Variants in EYA4 observed in about 807,000 individuals in gnomAD.
EYA4 encodes the protein protein phosphatase EYA4.
A neutral mutation model predicts 87.9 loss-of-function variants in EYA4; 31 were observed. That is an observed-to-expected ratio of 0.35 (90% CI 0.27 to 0.48). The LOEUF is 0.48. Ranked by LOEUF, EYA4 falls within the 20% of genes least tolerant of loss-of-function variation. The pLI, the probability that EYA4 is intolerant of heterozygous loss-of-function variation, is 0.99. For missense variants in EYA4, 678 were observed against 761.4 expected (o/e 0.89, Z 1.29); for synonymous variants, 263 against 270.6 (o/e 0.97, Z 0.28).
chr6:133,477,577 C>T (rs1398466104), intron 11 of EYA4, among the ~76,000 whole-genome samples: 1 of 151,910 alleles, frequency 6.6e-6, no homozygotes, highest in Non-Finnish European at 1.5e-5. Flanking sequence ...TTATATGACT[C>T]TTTTATAAGT....
chr6:133,312,788 T>C (rs1780330917), intron 2 of EYA4, among the ~76,000 whole-genome samples: 1 of 152,184 alleles, frequency 6.6e-6, no homozygotes. Context: ...TTTTTCTGCT[T>C]CTAAGAAATT....
chr6:133,362,550 C>T (rs994982070), intron 2 of EYA4, among the ~76,000 whole-genome samples: 2 of 152,070 alleles, frequency 1.3e-5, no homozygotes, highest in African/African-American at 4.8e-5. Flanking sequence ...AAACAGACTC[C>T]TTAAAAAAAA....
chr6:133,308,126 CAGTT>C (rs1779950018), intron 2 of EYA4, among the ~76,000 whole-genome samples: 1 of 152,156 alleles, frequency 6.6e-6, no homozygotes, highest in African/African-American at 2.4e-5. Context: ...AACTGTGAGT[CAGTT>C]AAACTTCTTT....
chr6:133,505,742 C>A (rs929875303), intron 13 of EYA4, among the ~76,000 whole-genome samples: 4 of 152,116 alleles, frequency 2.6e-5, no homozygotes, highest in African/African-American at 9.7e-5. Context: ...AGTAAGTTTG[C>A]TCCATTCTTC....
At chr6:133,271,966 C>A (rs1396428666) in intron 1 of EYA4, among the ~76,000 whole-genome samples, 1 of 152,206 alleles carries the variant, frequency 6.6e-6, no homozygotes, top group South Asian at 2.1e-4. Flanking sequence ...ATTTCTTTGT[C>A]ACCAGTTTTC....
intron 13 of EYA4, among the ~76,000 whole-genome samples, chr6:133,500,280 G>A (rs1370053050): frequency 2.0e-5 from 3 of 151,958 alleles, no homozygotes; most frequent in African/African-American, 7.2e-5. Context: ...AAGCTCCACC[G>A]GTGTTCCCCA....
chr6:133,514,000 G>A (rs2128785838), intron 16 of EYA4, among the ~76,000 whole-genome samples: 1 of 152,186 alleles, frequency 6.6e-6, no homozygotes, highest in African/African-American at 2.4e-5. Flanking sequence ...TGAGGGTGGG[G>A]CTATGTGTCT....
At chr6:133,448,207 T>A in intron 5 of EYA4, 28 bp downstream of exon 5, 2 of 1,546,006 alleles carry the variant, frequency 1.3e-6, no homozygotes, top group Non-Finnish European at 1.8e-6. Flanking sequence ...ACACTGCATG[T>A]GTTTGGGTGT....
At chr6:133,486,241 T>G (rs1054975472) in intron 13 of EYA4, among the ~76,000 whole-genome samples, 5 of 152,238 alleles carry the variant, frequency 3.3e-5, no homozygotes, top group Admixed American at 3.3e-4. Context: ...AGTTGTTTTA[T>G]CATTGACAAT....
rs1795925007 is a variant in EYA4, at chr6:133,478,423, G to GGATA, written c.971-3039_971-3036dup. Among the ~76,000 whole-genome samples, 10 of 149,272 alleles carry GGATA rather than the reference G, an allele frequency of 6.7e-5. No individual in the cohort carries two copies. The South Asian group carries it at 2.1e-3, about 32-fold the overall frequency. On this transcript the variant is annotated intron_variant, in intron 11 of 19. Coordinates refer to ENST00000355286, the MANE Select transcript of EYA4 (RefSeq NM_004100.5). ...TAACCCAAATGTCCATCAACAGAAT[G>GGATA]GATACAGTGTAATAGATACAGTGTA...
At chr6:133,404,728 C>G (rs1332770879) in intron 3 of EYA4, among the ~76,000 whole-genome samples, 2 of 152,170 alleles carry the variant, frequency 1.3e-5, no homozygotes, top group African/African-American at 4.8e-5. Flanking sequence ...TAATGTAAGT[C>G]TGTGTGTAAT....
chr6:133,294,053 ATATATAT>A (rs1778734860), intron 2 of EYA4, among the ~76,000 whole-genome samples: 2 of 131,130 alleles, frequency 1.5e-5, no homozygotes, highest in Non-Finnish European at 3.2e-5. Context: ...ATATATATAT[ATATATAT>A]ATAATTCTAT....
chr6:133,511,848 G>A (rs1799170800), intron 14 of EYA4: 1 of 152,142 alleles, frequency 6.6e-6, no homozygotes. Flanking sequence ...AGGCGTGGTG[G>A]CGGGCGCCTG....
intron 1 of EYA4, among the ~76,000 whole-genome samples, chr6:133,263,031 T>G (rs1293613560): frequency 1.3e-5 from 2 of 152,186 alleles, no homozygotes; most frequent in Admixed American, 6.5e-5. Context: ...GCCATTGGCT[T>G]TCCTCTCTGG....
chr6:133,362,518 G>A (rs1014214806), intron 2 of EYA4, among the ~76,000 whole-genome samples: 7 of 151,984 alleles, frequency 4.6e-5, no homozygotes, highest in South Asian at 2.1e-4. Context: ...TATAATAATG[G>A]GGCAGTAAAT....
Position 133,342,574 on chromosome 6 carries a change from C to CATATATATATATATATATAT in EYA4, c.34-39806_34-39787dup, listed in dbSNP as rs56987430. Among the ~76,000 whole-genome samples, 72 of 100,466 alleles carry CATATATATATATATATATAT rather than the reference C, an allele frequency of 7.2e-4. 1 individual carries two copies. The highest frequency in any genetic ancestry group is 1.1e-3 in the African/African-American group (24 of 21,844). The allele number at this position is 100,466 out of a possible 152,430, so 65.9% of individuals were successfully genotyped here. Reference sequence around the variant, plus strand: ...CCATCCAGTTTAAGGTACACACTGCCATATATATATATATATATATATATA... The same window carrying CATATATATATATATATATAT: ...CCATCCAGTTTAAGGTACACACTGCCATATATATATATATATATATATATATATATATATATATATATATA... On this transcript the variant is annotated intron_variant, in intron 2 of 19. Coordinates refer to ENST00000355286, the MANE Select transcript of EYA4 (RefSeq NM_004100.5).
rs774501058 is a variant in EYA4 at position 133,448,062 on chromosome 6, A to T, written c.209-49A>T. On this transcript the variant is annotated intron_variant, in intron 4 of 19. Transcript: ENST00000355286. ...CAAGCATTGAAGATTATTCATATCC[A>T]CTCAGCAGGCATTCAGACAATGAAC... is the stretch of plus-strand genomic sequence containing the variant. The T allele has an allele frequency of 5.1e-6, 7 of 1,383,852 alleles. No homozygotes were observed. In the African/African-American group the frequency reaches 8.5e-5, roughly 17 times the overall value. The allele number at this position is 1,383,852 out of a possible 1,614,324, so 85.7% of individuals were successfully genotyped here.
intron 13 of EYA4, 25 bp from the exon 14 acceptor site, chr6:133,506,081 C>T (rs1562497976): frequency 1.5e-6 from 2 of 1,373,418 alleles, no homozygotes; most frequent in Admixed American, 1.7e-5. Flanking sequence ...AATTTTACCT[C>T]ATTATGTGTA....
chr6:133,294,954 G>C (rs187590059), intron 2 of EYA4, among the ~76,000 whole-genome samples: 1 of 152,112 alleles, frequency 6.6e-6, no homozygotes, highest in East Asian at 1.9e-4. Flanking sequence ...TCTTATTTGA[G>C]TATCTAACAT....
Sources: gnomAD v4.1 joint callset for allele counts (sites outside exome capture counted in the v4.1 genomes callset) on GRCh38, gnomAD v4.1.1 for gene constraint, MANE v1.5 for transcripts, NCBI Gene and HGNC (gene_info 2026-07-23, HGNC 2026-07-21) for gene names.